The following BLK variants were observed in gnomAD, a reference collection of about 807,000 sequenced individuals.
BLK encodes tyrosine-protein kinase Blk.
A neutral mutation model predicts 61.8 loss-of-function variants in BLK; 64 were observed. The observed-to-expected ratio is 1.03, with a 90% CI of 0.85 to 1.27. BLK has a LOEUF of 1.27. Ranked by LOEUF, BLK falls within the 50% of genes most tolerant of loss-of-function variation. BLK has a pLI of 0.00. For missense variants in BLK, 853 were observed against 660.5 expected (o/e 1.29, Z -3.19); for synonymous variants, 351 against 272.0 (o/e 1.29, Z -2.86).
intron 10 of BLK, chr8:11,559,117 C>T (rs1585418911): frequency 7.4e-6 from 3 of 403,662 alleles, no homozygotes; most frequent in Non-Finnish European, 1.5e-5. Flanking sequence ...CCCCACTACA[C>T]CCCCTTGGGA....
rs1233158202 is a variant in BLK at position 11,563,889 on chromosome 8, C to G, written c.1313-14C>G. ...CCAGCCCCTCACCCCCGCTTGCGGT[C>G]TCCTCTGCCGCAGGGATGAGCAACC... On this transcript the variant is annotated splice_polypyrimidine_tract_variant and intron_variant, in intron 12 of 12. Transcript: ENST00000259089. 1.2e-6 allele frequency: 2 copies of G among 1,606,288 alleles called. No homozygotes were observed. Among genetic ancestry groups the G allele is most frequent in the Admixed American group, 3.3e-5 (2 of 59,792 alleles).
intron 10 of BLK, 135 bp from the exon 11 acceptor site, chr8:11,561,167 A>G: frequency 7.9e-7 from 1 of 1,269,354 alleles, no homozygotes; most frequent in South Asian, 1.3e-5. Flanking sequence ...GGAGCAACAC[A>G]GTCACCTTTC....
intron 1 of BLK, among the ~76,000 whole-genome samples, chr8:11,537,292 G>T (rs914191973): frequency 1.1e-4 from 16 of 152,128 alleles, no homozygotes; most frequent in African/African-American, 3.6e-4. Flanking sequence ...CTGGATGTTG[G>T]TGAGATGCTC....
intron 5 of BLK, 123 bp downstream of exon 5, chr8:11,549,245 G>C: frequency 1.1e-6 from 1 of 869,952 alleles, no homozygotes; most frequent in South Asian, 1.4e-5. Context: ...TAGCAAAGAG[G>C]GGACAGGAAA....
At chr8:11,523,606 A>G (rs868546361) in intron 1 of BLK, among the ~76,000 whole-genome samples, 1 of 152,328 alleles carries the variant, frequency 6.6e-6, no homozygotes. Context: ...ATTAAGAAAA[A>G]TATTTACATT....
intron 10 of BLK, chr8:11,558,783 G>C: frequency 2.2e-6 from 1 of 456,088 alleles, no homozygotes; most frequent in Non-Finnish European, 4.4e-6. Context: ...AAAAGTTTTG[G>C]TCTGTGGTCA....
chr8:11,514,735 C>T (rs1799156239), intron 1 of BLK, among the ~76,000 whole-genome samples: 1 of 152,216 alleles, frequency 6.6e-6, no homozygotes, highest in Non-Finnish European at 1.5e-5. Context: ...AGGGCAACTA[C>T]AGGCTTAGGA....
Position 11,548,752 on chromosome 8 carries a change from C to T in BLK, c.270-272C>T, listed in dbSNP as rs536384738. Among the ~76,000 whole-genome samples, 112 of 152,372 alleles carry T rather than the reference C, an allele frequency of 7.4e-4. 4 individuals carry two copies. In the South Asian group the frequency reaches 0.022, roughly 29 times the overall value. The stretch of plus-strand genomic sequence containing the variant: ...CCAGTCCCTCACCAAGCTCTGAACA[C>T]GTCCCATTCATCAAGAGGAAGGCTG... On this transcript the variant is annotated intron_variant, in intron 4 of 12. Coordinates refer to ENST00000259089, the MANE Select transcript of BLK (RefSeq NM_001715.3).
intron 2 of BLK, among the ~76,000 whole-genome samples, chr8:11,544,313 C>T (rs528202881): frequency 1.3e-5 from 2 of 152,244 alleles, no homozygotes; most frequent in East Asian, 3.9e-4. Flanking sequence ...ACTCCCTGAC[C>T]AGTGACCCCC....
chr8:11,518,361 C>T (rs545254430), intron 1 of BLK, among the ~76,000 whole-genome samples: 4 of 152,268 alleles, frequency 2.6e-5, no homozygotes, highest in Non-Finnish European at 4.4e-5. Context: ...TTTTAGAAAA[C>T]TTCCCTGTAG....
At chr8:11,561,248 G>C in intron 10 of BLK, 54 bp from the exon 11 acceptor site, 2 of 1,588,538 alleles carry the variant, frequency 1.3e-6, no homozygotes, top group Non-Finnish European at 1.7e-6. Flanking sequence ...GTGTGGGCTC[G>C]GTCTTGGCGT....
chr8:11,532,733 G>T (rs931852179), intron 1 of BLK, among the ~76,000 whole-genome samples: 1 of 152,146 alleles, frequency 6.6e-6, no homozygotes, highest in Admixed American at 6.5e-5. Flanking sequence ...TTTTCTCCTA[G>T]TTGAGAGTCA....
intron 2 of BLK, among the ~76,000 whole-genome samples, chr8:11,544,458 A>T (rs918299171): frequency 2.0e-5 from 3 of 152,106 alleles, no homozygotes; most frequent in African/African-American, 7.2e-5. Flanking sequence ...TCCTAGATGA[A>T]CCCAGGCATC....
At chr8:11,500,497 G>A (rs912145925) in intron 1 of BLK, among the ~76,000 whole-genome samples, 1 of 149,690 alleles carries the variant, frequency 6.7e-6, no homozygotes, top group Admixed American at 6.7e-5. Context: ...CACCTGGCCT[G>A]TTTTTTTGTT....
At chr8:11,536,748 A>G (rs1800148703) in intron 1 of BLK, among the ~76,000 whole-genome samples, 1 of 152,312 alleles carries the variant, frequency 6.6e-6, no homozygotes. Flanking sequence ...TTCATAAAAA[A>G]TAGTTTTCAT....
At chr8:11,546,669 G>A (rs559149473) in intron 3 of BLK, among the ~76,000 whole-genome samples, 14 of 152,210 alleles carry the variant, frequency 9.2e-5, no homozygotes, top group African/African-American at 2.6e-4. Flanking sequence ...TCCACCTCCC[G>A]GGTTCAAGAG....
At chr8:11,511,338 A>T (rs1323720455) in intron 1 of BLK, among the ~76,000 whole-genome samples, 1 of 152,132 alleles carries the variant, frequency 6.6e-6, no homozygotes, top group Non-Finnish European at 1.5e-5. Flanking sequence ...GATATACCTA[A>T]TGCTAAATGA....
chr8:11,557,832 C>T, intron 9 of BLK, 130 bp from the exon 10 acceptor site: 1 of 750,332 alleles, frequency 1.3e-6, no homozygotes, highest in Non-Finnish European at 2.4e-6. Flanking sequence ...CTTCCTGATG[C>T]ACCGAGAGAT....
At chr8:11,510,294 C>G (rs561465185) in intron 1 of BLK, among the ~76,000 whole-genome samples, 1 of 152,108 alleles carries the variant, frequency 6.6e-6, no homozygotes, top group Non-Finnish European at 1.5e-5. Flanking sequence ...TTCTCCAGCT[C>G]CTTGACGGCC....
Sources: allele counts gnomAD v4.1 joint callset (sites outside exome capture counted in the v4.1 genomes callset), GRCh38; gene constraint gnomAD v4.1.1; transcripts MANE v1.5; gene names NCBI Gene and HGNC (gene_info 2026-07-23, HGNC 2026-07-21).